The following PGAP2 variants were observed in gnomAD, a reference collection of about 807,000 sequenced individuals.
PGAP2 encodes the protein post-GPI attachment to proteins 2.
In PGAP2, 21 loss-of-function variants were observed where a neutral mutation model predicts 33.2. The ratio of observed to expected loss-of-function variants is 0.63; its 90% CI spans 0.45 to 0.91. The LOEUF is 0.91. Ranked by LOEUF, PGAP2 falls within the 40% of genes least tolerant of loss-of-function variation. PGAP2 has a pLI of 0.00. For missense variants in PGAP2, 345 were observed against 424.0 expected, an observed-to-expected ratio of 0.81 and a Z score of 1.64; for synonymous variants, 161 against 172.9, an observed-to-expected ratio of 0.93 and a Z score of 0.54.
At chr11:3,808,531 G>T (rs1308655369), upstream of PGAP2, 37 of 1,399,584 alleles carry the variant, frequency 2.6e-5, no homozygotes, top group East Asian at 1.0e-3. Flanking sequence ...TCTAAGTTCC[G>T]CCCCGAGAGC....
At chr11:3,800,610 G>T (rs2083296092) in intron 1 of PGAP2, among the ~76,000 whole-genome samples, 1 of 151,934 alleles carries the variant, frequency 6.6e-6, no homozygotes, top group African/African-American at 2.4e-5. Context: ...AGGAGATCGA[G>T]ACCAGCCTGG....
At chr11:3,818,073 A>AAC (rs1203813460) in intron 3 of PGAP2, 1 of 306,490 alleles carries the variant, frequency 3.3e-6, no homozygotes, top group Non-Finnish European at 6.4e-6. Context: ...AAAAAAAAAA[A>AAC]AACAGCAGGC....
intron 2 of PGAP2, among the ~76,000 whole-genome samples, chr11:3,814,129 C>T (rs1373890123): frequency 3.9e-5 from 6 of 152,204 alleles, no homozygotes; most frequent in African/African-American, 1.4e-4. Context: ...GCAAGCTAGT[C>T]CATCATATCT....
chr11:3,820,832 A>C (rs1248640204), intron 3 of PGAP2, among the ~76,000 whole-genome samples: 1 of 152,180 alleles, frequency 6.6e-6, no homozygotes, highest in Non-Finnish European at 1.5e-5. Flanking sequence ...CAAATAAATA[A>C]ATAAATAAAG....
At chr11:3,817,591 G>A (rs2087367325) in intron 3 of PGAP2, 56 bp downstream of exon 3, 1 of 1,421,810 alleles carries the variant, frequency 7.0e-7, no homozygotes, top group Non-Finnish European at 9.9e-7. Context: ...GTGGCAGTTA[G>A]GGTAGAATTA....
At chr11:3,808,923 G>A (rs1448467330) in intron 1 of PGAP2, among the ~76,000 whole-genome samples, 2 of 152,232 alleles carry the variant, frequency 1.3e-5, no homozygotes, top group East Asian at 1.9e-4. Flanking sequence ...TAGGTGGGGA[G>A]GATGGGGCCC....
In PGAP2 at chr11:3,825,183, A is replaced by G; in HGVS notation, c.817+55A>G. 1.9e-6 allele frequency: 3 copies of G among 1,586,092 alleles called. 1 individual carries two copies. In the South Asian group the frequency reaches 3.3e-5, roughly 18 times the overall value. ...CATGAGTGGCTGCGGGGCAGCAATG[A>G]TGTTTTTGATAATGGGCAATGGTCT... On this transcript the variant is annotated intron_variant, in intron 6 of 6. Coordinates refer to ENST00000278243, the MANE Select transcript of PGAP2 (RefSeq NM_014489.4).
chr11:3,802,764 C>A (rs946751469), intron 1 of PGAP2, among the ~76,000 whole-genome samples: 1 of 151,998 alleles, frequency 6.6e-6, no homozygotes, highest in Admixed American at 6.6e-5. Context: ...GTTATTTAAC[C>A]CTTCTCTGCC....
At chr11:3,824,615 C>T (rs1347230060) in intron 5 of PGAP2, 19 of 699,822 alleles carry the variant, frequency 2.7e-5, no homozygotes, top group Non-Finnish European at 3.8e-5. Context: ...ATGGAGGCTG[C>T]AAATGGGGAT....
intron 1 of PGAP2, among the ~76,000 whole-genome samples, chr11:3,799,673 G>A (rs1240508920): frequency 6.6e-6 from 1 of 151,834 alleles, no homozygotes; most frequent in Non-Finnish European, 1.5e-5. Flanking sequence ...TTATTTGTTT[G>A]TTTAAAAAAT....
chr11:3,824,219 C>T (rs768628124), intron 4 of PGAP2, 51 bp from the exon 5 acceptor site: 22 of 1,611,974 alleles, frequency 1.4e-5, no homozygotes, highest in East Asian at 2.2e-5. Flanking sequence ...CTTCCTACTT[C>T]GTGGTGTGGG....
chr11:3,803,002 T>C (rs1314386764), intron 1 of PGAP2, among the ~76,000 whole-genome samples: 1 of 147,300 alleles, frequency 6.8e-6, no homozygotes, highest in Non-Finnish European at 1.5e-5. Context: ...AATTTTTTTT[T>C]TTTCTTTTGG....
Position 3,811,144 on chromosome 11 carries a change from C to A in PGAP2, c.-10-106C>A. 2 of 1,044,270 alleles carry A rather than the reference C, an allele frequency of 1.9e-6. No individual in the cohort carries two copies. Among genetic ancestry groups the A allele is most frequent in the Non-Finnish European group, 2.8e-6 (2 of 716,500 alleles). 64.7% of individuals were successfully genotyped at this position (1,044,270 alleles called of 1,614,324 possible). A position where few individuals can be genotyped will look rare whatever the true frequency, so the allele number is the denominator to read the frequency against. ...GGTGCCTTCCTCCTCAGACTCCCCACCCCACAGCACACAGCTAATTTTAGG... is the reference window on the plus strand; with the variant it reads ...GGTGCCTTCCTCCTCAGACTCCCCAACCCACAGCACACAGCTAATTTTAGG... On this transcript the variant is annotated intron_variant, in intron 1 of 6. Coordinates refer to ENST00000278243, the MANE Select transcript of PGAP2 (RefSeq NM_014489.4). The surrounding 1 kb of genome is among the most constrained non-coding windows in gnomAD (Gnocchi z 4.6).
At chr11:3,820,239 C>T (rs1490043088) in intron 3 of PGAP2, among the ~76,000 whole-genome samples, 1 of 152,192 alleles carries the variant, frequency 6.6e-6, no homozygotes, top group African/African-American at 2.4e-5. Context: ...CTGCGTCTCT[C>T]CCATAAGCAG....
At chr11:3,804,172 A>T (rs2083945376), upstream of PGAP2, among the ~76,000 whole-genome samples, 2 of 152,142 alleles carry the variant, frequency 1.3e-5, no homozygotes, top group African/African-American at 4.8e-5. Context: ...AGAAATTACC[A>T]CATGCATTCT....
At chr11:3,823,776 G>T (rs1302046634) in intron 3 of PGAP2, 107 bp from the exon 4 acceptor site, 2 of 1,599,094 alleles carry the variant, frequency 1.3e-6, no homozygotes, top group Non-Finnish European at 1.7e-6. Context: ...TCTTGGAAGG[G>T]GAGGGGCTGG....
chr11:3,824,095 G>A lies in PGAP2; in HGVS notation c.561G>A (p.Ala187=), dbSNP rs200911064. Residue 187 remains alanine (A), a synonymous_variant, in exon 4 of 7, where the codon GCG becomes GCA. Transcript: ENST00000278243. ...NFGLNVVENL[A]LLVLTYVSSS... is the part of the protein sequence containing the mutation. ...GCCTCAATGTCGTGGAGAACCTCGC[G>A]TTGCTAGTGCTCACTTATGTCTCCT... is the stretch of plus-strand genomic sequence containing the variant. 68 of 1,614,158 alleles carry A rather than the reference G, an allele frequency of 4.2e-5. No individual in the cohort carries two copies. In the East Asian group the frequency reaches 8.0e-4, roughly 19 times the overall value.
chr11:3,809,525 A>T (rs968065116), intron 1 of PGAP2, among the ~76,000 whole-genome samples: 1 of 152,190 alleles, frequency 6.6e-6, no homozygotes, highest in Non-Finnish European at 1.5e-5. Flanking sequence ...TCATTCCCTG[A>T]AGATCTAGTC....
intron 1 of PGAP2, among the ~76,000 whole-genome samples, chr11:3,809,728 T>C (rs540557074): frequency 5.4e-4 from 83 of 152,298 alleles, no homozygotes; most frequent in African/African-American, 1.9e-3. Flanking sequence ...GTGTTTTTTT[T>C]CTGGGAGGGT....
Sources: allele counts gnomAD v4.1 joint callset (sites outside exome capture counted in the v4.1 genomes callset), GRCh38; gene constraint gnomAD v4.1.1; non-coding constraint Gnocchi (gnomAD v3.1); transcripts MANE v1.5; gene names NCBI Gene and HGNC (gene_info 2026-07-23, HGNC 2026-07-21).